ADAMTSL1: variants seen among roughly 807,000 people sequenced by gnomAD.
The protein encoded by ADAMTSL1 is ADAMTS like 1, also known as ADAMTS-like protein 1.
Under a neutral mutation model 201.8 loss-of-function variants are expected in ADAMTSL1, and 126 were observed. The ratio of observed to expected loss-of-function variants is 0.62; its 90% confidence interval spans 0.54 to 0.72. ADAMTSL1 has a LOEUF of 0.72. Ranked by LOEUF, ADAMTSL1 falls within the 30% of genes least tolerant of loss-of-function variation. The probability of loss-of-function intolerance (pLI) is 0.00; values close to 1 mark genes in which losing one functional copy is unlikely to be tolerated. For missense variants in ADAMTSL1, 2,679 were observed against 2,277.8 expected (o/e 1.18, Z -3.59); for synonymous variants, 1,121 against 903.4 (o/e 1.24, Z -4.32).
At chr9:18,688,023 T>C (rs959324708) in intron 13 of ADAMTSL1, among the ~76,000 whole-genome samples, 9 of 152,036 alleles carry the variant, frequency 5.9e-5, no homozygotes, top group African/African-American at 1.7e-4. Context: ...CATGTTGATT[T>C]TTTTTCCCTC....
chr9:18,023,354 T>C (rs1048079324), intron 1 of ADAMTSL1, among the ~76,000 whole-genome samples: 1 of 152,130 alleles, frequency 6.6e-6, no homozygotes, highest in Non-Finnish European at 1.5e-5. Flanking sequence ...CTGGAGACCA[T>C]ACCTTGTGAA....
At chr9:18,545,335 G>A (rs571813921) in intron 3 of ADAMTSL1, among the ~76,000 whole-genome samples, 20 of 152,238 alleles carry the variant, frequency 1.3e-4, no homozygotes, top group African/African-American at 3.9e-4. Flanking sequence ...TGTAAATGCC[G>A]AAGCACATGC....
chr9:18,714,154 T>C (rs563561171), intron 14 of ADAMTSL1, among the ~76,000 whole-genome samples: 70 of 151,934 alleles, frequency 4.6e-4, no homozygotes, highest in African/African-American at 1.6e-3. Flanking sequence ...GCACAAAAGA[T>C]CCAAAATTGA....
intron 26 of ADAMTSL1, among the ~76,000 whole-genome samples, chr9:18,898,479 G>A (rs1829799652): frequency 6.6e-6 from 1 of 152,128 alleles, no homozygotes; most frequent in Non-Finnish European, 1.5e-5. Flanking sequence ...AAAAAAGAAT[G>A]GAAAGGAACC....
At chr9:18,092,634 AG>A (rs1824079236) in intron 1 of ADAMTSL1, among the ~76,000 whole-genome samples, 1 of 152,184 alleles carries the variant, frequency 6.6e-6, no homozygotes, top group African/African-American at 2.4e-5. Context: ...GTGGTCCAAA[AG>A]CTCCTAGTAG....
At chr9:18,308,448 C>A (rs2132771228) in intron 2 of ADAMTSL1, among the ~76,000 whole-genome samples, 1 of 151,930 alleles carries the variant, frequency 6.6e-6, no homozygotes, top group Non-Finnish European at 1.5e-5. Flanking sequence ...ACTGGCCAGA[C>A]TACTAAAGGA....
intron 23 of ADAMTSL1, among the ~76,000 whole-genome samples, chr9:18,840,289 G>A (rs1444570522): frequency 6.6e-6 from 1 of 152,038 alleles, no homozygotes; most frequent in East Asian, 1.9e-4. Context: ...TTATTAAATA[G>A]GGAATCCTTT....
intron 12 of ADAMTSL1, among the ~76,000 whole-genome samples, chr9:18,684,030 T>C (rs912171512): frequency 1.3e-5 from 2 of 152,202 alleles, no homozygotes; most frequent in Non-Finnish European, 2.9e-5. Flanking sequence ...GTAAGAGCCG[T>C]TAGAACATCC....
At chr9:18,903,851 GAA>G (rs565276186) in intron 26 of ADAMTSL1, among the ~76,000 whole-genome samples, 4 of 134,504 alleles carry the variant, frequency 3.0e-5, no homozygotes, top group Admixed American at 1.5e-4. Context: ...ACCTTTGGTT[GAA>G]AAAAAAAAAA....
chr9:18,334,667 A>G (rs1486854254), intron 2 of ADAMTSL1, among the ~76,000 whole-genome samples: 5 of 152,186 alleles, frequency 3.3e-5, no homozygotes, highest in African/African-American at 4.8e-5. Flanking sequence ...CCAAATTCAC[A>G]TGGTAGACAG....
Position 18,792,873 on chromosome 9 carries a change from T to C in ADAMTSL1, c.3678-2524T>C, listed in dbSNP as rs146804253. Among the ~76,000 whole-genome samples, 366 of 152,344 alleles carry C rather than the reference T, an allele frequency of 2.4e-3. 1 individual carries two copies. The Middle Eastern group carries it at 0.034, about 14-fold the overall frequency. Reference sequence around the variant, plus strand: ...AAATTGTATAGTCATCTTTCTCTTATTAGCTTCTTCGAAATAAACTAACAT... The same window carrying C: ...AAATTGTATAGTCATCTTTCTCTTACTAGCTTCTTCGAAATAAACTAACAT... On this transcript the variant is annotated intron_variant, in intron 19 of 28. Transcript: ENST00000380548.
chr9:18,116,007 C>G (rs759460222), intron 1 of ADAMTSL1, among the ~76,000 whole-genome samples: 11 of 152,118 alleles, frequency 7.2e-5, no homozygotes, highest in Non-Finnish European at 1.6e-4. Context: ...AAACTGTTCT[C>G]TGATATTGTG....
At chr9:18,379,500 C>A (rs1837457508) in intron 2 of ADAMTSL1, among the ~76,000 whole-genome samples, 1 of 152,116 alleles carries the variant, frequency 6.6e-6, no homozygotes, top group Non-Finnish European at 1.5e-5. Context: ...AGAATGGAAG[C>A]TGCCAGATTC....
At chr9:18,596,658 T>C (rs1426349859) in intron 4 of ADAMTSL1, among the ~76,000 whole-genome samples, 1 of 152,190 alleles carries the variant, frequency 6.6e-6, no homozygotes, top group Non-Finnish European at 1.5e-5. Flanking sequence ...TGAGGTGATA[T>C]TGTTACAATT....
At chr9:18,632,822 T>G (rs1339625088) in intron 5 of ADAMTSL1, among the ~76,000 whole-genome samples, 1 of 152,214 alleles carries the variant, frequency 6.6e-6, no homozygotes, top group Non-Finnish European at 1.5e-5. Flanking sequence ...CTAGAGTTTG[T>G]ACCAGCCTGA....
At chr9:18,293,088 C>G (rs1004749036) in intron 2 of ADAMTSL1, among the ~76,000 whole-genome samples, 1 of 152,192 alleles carries the variant, frequency 6.6e-6, no homozygotes, top group Non-Finnish European at 1.5e-5. Context: ...AAGTGCCAGA[C>G]ATGATCTTAT....
At chr9:18,906,977 C>T (rs1447746353) in intron 28 of ADAMTSL1, 65 bp downstream of exon 28, 3 of 1,574,604 alleles carry the variant, frequency 1.9e-6, no homozygotes, top group Middle Eastern at 1.7e-4. Flanking sequence ...AGAGAGCAGT[C>T]CCTGGGACCG....
Position 18,261,517 on chromosome 9 carries a change from T to G in ADAMTSL1, c.207+97536T>G, listed in dbSNP as rs142288207. Among the ~76,000 whole-genome samples, 363 of 152,338 alleles carry G rather than the reference T, an allele frequency of 2.4e-3. 2 individuals carry two copies. Among genetic ancestry groups the G allele is most frequent in the African/African-American group, 8.2e-3 (339 of 41,584 alleles). On this transcript the variant is annotated intron_variant, in intron 2 of 29. Coordinates refer to the ADAMTSL1 transcript ENST00000680146. ...TCAGACTTTTCACCCATGGACACAT[T>G]GCTCTGTCTCTATTTACTCTAGAAT... is the stretch of plus-strand genomic sequence containing the variant.
At chr9:18,867,862 G>A (rs368900144) in intron 23 of ADAMTSL1, among the ~76,000 whole-genome samples, 13 of 152,136 alleles carry the variant, frequency 8.5e-5, no homozygotes, top group African/African-American at 3.1e-4. Context: ...TCCTGACCTC[G>A]TGATCCACCC....
Sources: allele counts gnomAD v4.1 joint callset (sites outside exome capture counted in the v4.1 genomes callset), GRCh38; gene constraint gnomAD v4.1.1; transcripts MANE v1.5; gene names NCBI Gene and HGNC (gene_info 2026-07-23, HGNC 2026-07-21).